KCNH1: variants seen among roughly 807,000 people sequenced by gnomAD.
The protein encoded by KCNH1 is potassium voltage-gated channel subfamily H member 1.
In KCNH1, 27 loss-of-function variants were observed where a neutral mutation model predicts 69.2. That is an observed-to-expected ratio of 0.39 (90% confidence interval 0.29 to 0.54). The LOEUF (loss-of-function observed/expected upper bound fraction) is 0.54. KCNH1 is among the 20% of genes least tolerant of loss of function. KCNH1 has a pLI of 0.68. For synonymous variants in KCNH1, 456 were observed against 487.7 expected (o/e 0.93, Z 0.86); for missense variants, 798 against 1,261.6 (o/e 0.63, Z 5.57).
intron 9 of KCNH1, among the ~76,000 whole-genome samples, chr1:210,789,235 C>A (rs964153537): frequency 6.6e-6 from 1 of 152,178 alleles, no homozygotes; most frequent in Non-Finnish European, 1.5e-5. Flanking sequence ...CAGTGGGGTA[C>A]CCCCTCCTCT....
chr1:210,776,945 C>G (rs928981780), intron 9 of KCNH1, among the ~76,000 whole-genome samples: 5 of 152,122 alleles, frequency 3.3e-5, no homozygotes, highest in Non-Finnish European at 5.9e-5. Flanking sequence ...TGTTGTTTAT[C>G]TTGCCTCTAA....
At chr1:210,819,765 A>G (rs1239389649) in intron 7 of KCNH1, among the ~76,000 whole-genome samples, 1 of 152,222 alleles carries the variant, frequency 6.6e-6, no homozygotes, top group Non-Finnish European at 1.5e-5. Context: ...CATTCACCAC[A>G]GCACCACCAC....
intron 6 of KCNH1, among the ~76,000 whole-genome samples, chr1:210,940,202 C>A (rs544822028): frequency 6.6e-6 from 1 of 152,200 alleles, no homozygotes; most frequent in Non-Finnish European, 1.5e-5. Context: ...ATTCGGCAAT[C>A]ATTTCCTGAA....
At chr1:210,983,143 T>G (rs1345060143) in intron 6 of KCNH1, among the ~76,000 whole-genome samples, 2 of 152,194 alleles carry the variant, frequency 1.3e-5, no homozygotes, top group African/African-American at 2.4e-5. Context: ...TAAATTTGTT[T>G]GAGTTCACTG....
chr1:210,972,998 C>A (rs1688539996), intron 6 of KCNH1, among the ~76,000 whole-genome samples: 1 of 151,608 alleles, frequency 6.6e-6, no homozygotes, highest in African/African-American at 2.4e-5. Flanking sequence ...TGTCATGAGG[C>A]ATCCATCATT....
intron 5 of KCNH1, among the ~76,000 whole-genome samples, chr1:211,054,988 A>G (rs1276660345): frequency 6.6e-6 from 1 of 152,194 alleles, no homozygotes; most frequent in Non-Finnish European, 1.5e-5. Context: ...TAAAAAGATT[A>G]GATTGGAAGC....
intron 10 of KCNH1, among the ~76,000 whole-genome samples, chr1:210,707,569 T>C (rs1024709427): frequency 1.3e-5 from 2 of 152,138 alleles, no homozygotes; most frequent in Non-Finnish European, 2.9e-5. Flanking sequence ...AGGCAGAGCT[T>C]AGGTGTAAGT....
intron 2 of KCNH1, among the ~76,000 whole-genome samples, chr1:211,106,324 C>T (rs1185285510): frequency 6.6e-6 from 1 of 152,226 alleles, no homozygotes; most frequent in Admixed American, 6.5e-5. Flanking sequence ...TTTAAAAGAG[C>T]TTTTCTAACA....
chr1:210,836,113 A>AAG (rs1377412495), intron 7 of KCNH1, among the ~76,000 whole-genome samples: 4 of 121,152 alleles, frequency 3.3e-5, no homozygotes, highest in African/African-American at 1.2e-4. Context: ...CTCCGTCTCA[A>AAG]AAAAAAAAAA....
intron 7 of KCNH1, among the ~76,000 whole-genome samples, chr1:210,841,169 C>A (rs1685401437): frequency 6.6e-6 from 1 of 152,180 alleles, no homozygotes; most frequent in Admixed American, 6.6e-5. Flanking sequence ...TTAAGGGAAT[C>A]ACTAGTTTAT....
chr1:210,822,718 A>AACTCTC (rs1684954733), intron 7 of KCNH1, among the ~76,000 whole-genome samples: 1 of 152,044 alleles, frequency 6.6e-6, no homozygotes, highest in Admixed American at 6.6e-5. Context: ...TCCACATAAA[A>AACTCTC]ACTCTCATCT....
At chr1:210,752,914 A>G (rs1683311328) in intron 10 of KCNH1, among the ~76,000 whole-genome samples, 1 of 152,184 alleles carries the variant, frequency 6.6e-6, no homozygotes, top group Non-Finnish European at 1.5e-5. Flanking sequence ...TTCGTATAAG[A>G]GAAAGGTGTG....
intron 4 of KCNH1, among the ~76,000 whole-genome samples, chr1:211,088,436 G>A (rs901111758): frequency 6.6e-6 from 1 of 152,224 alleles, no homozygotes; most frequent in Non-Finnish European, 1.5e-5. Context: ...AGCCAAAACT[G>A]CAGTTTATAG....
intron 5 of KCNH1, among the ~76,000 whole-genome samples, chr1:211,081,128 AC>A (rs1690850493): frequency 6.6e-6 from 1 of 152,232 alleles, no homozygotes; most frequent in Non-Finnish European, 1.5e-5. Context: ...CAAGAAAAAA[AC>A]AAACAACCCC....
At position 210,787,790 on chromosome 1, in the gene KCNH1, T is replaced by TA. The variant is rs1684131768; in HGVS notation, c.1915+9717dup. 3.3e-5 allele frequency among the ~76,000 whole-genome samples: 5 copies of TA among 152,324 alleles called. No homozygotes were observed. In the South Asian group the frequency reaches 8.3e-4, roughly 25 times the overall value. ...ATTTACAGACTAATTTAAAAAGAAT[T>TA]AAAGATAATGCATGTTAGAAATTAC... On this transcript the variant is annotated intron_variant, in intron 9 of 10. Coordinates refer to ENST00000271751, the MANE Select transcript of KCNH1 (RefSeq NM_172362.3).
At chr1:211,011,280 A>G (rs1571576543) in intron 6 of KCNH1, among the ~76,000 whole-genome samples, 1 of 152,142 alleles carries the variant, frequency 6.6e-6, no homozygotes, top group African/African-American at 2.4e-5. Context: ...TTCCAGCTTC[A>G]TCCATGTCCC....
chr1:211,032,541 A>G (rs183507111), intron 5 of KCNH1, among the ~76,000 whole-genome samples: 32,714 of 152,132 alleles, frequency 0.22, 4,423 homozygotes, highest in East Asian at 0.39. Context: ...CCAAAACAGC[A>G]TGGTACTGGT....
chr1:210,834,078 C>G (rs1033392135), intron 7 of KCNH1, among the ~76,000 whole-genome samples: 2 of 152,112 alleles, frequency 1.3e-5, no homozygotes, highest in South Asian at 2.1e-4. Context: ...CACTTTTACA[C>G]TGTTGGTGGG....
intron 6 of KCNH1, among the ~76,000 whole-genome samples, chr1:210,969,728 G>A (rs1184590266): frequency 3.9e-5 from 6 of 151,998 alleles, no homozygotes; most frequent in Admixed American, 3.9e-4. Context: ...TCTTGCCTGT[G>A]TATTTTTTTA....
Sources: allele counts gnomAD v4.1 joint callset (sites outside exome capture counted in the v4.1 genomes callset), GRCh38; gene constraint gnomAD v4.1.1; transcripts MANE v1.5; gene names NCBI Gene and HGNC (gene_info 2026-07-23, HGNC 2026-07-21).